ADARB2: variants seen among roughly 807,000 people sequenced by gnomAD.
The protein encoded by ADARB2 is adenosine deaminase RNA specific B2 (inactive).
Under a neutral mutation model 62.2 loss-of-function variants are expected in ADARB2, and 25 were observed. That is an observed-to-expected ratio of 0.40 (90% CI 0.29 to 0.56). The LOEUF is 0.56. Among genes scored for constraint, ADARB2 ranks in the 20% least tolerant of loss-of-function variants. ADARB2 has a pLI of 0.43. For synonymous variants in ADARB2, 572 were observed against 500.8 expected (o/e 1.14, Z -1.90); for missense variants, 1,071 against 1,077.4 (o/e 0.99, Z 0.08).
intron 4 of ADARB2, among the ~76,000 whole-genome samples, chr10:1,262,846 G>T (rs886296284): frequency 6.6e-6 from 1 of 151,942 alleles, no homozygotes; most frequent in African/African-American, 2.4e-5. Flanking sequence ...GTTTATTTTG[G>T]CACTATTCAC....
chr10:1,469,862 T>A (rs998933577), intron 1 of ADARB2, among the ~76,000 whole-genome samples: 3 of 152,166 alleles, frequency 2.0e-5, no homozygotes, highest in African/African-American at 2.4e-5. Context: ...TTCAAAATCA[T>A]AGAATGAATC....
chr10:1,568,454 C>T (rs953296029), intron 1 of ADARB2, among the ~76,000 whole-genome samples: 5 of 152,134 alleles, frequency 3.3e-5, no homozygotes, highest in African/African-American at 9.7e-5. Context: ...AGTCAACCTG[C>T]CCACGTGAAC....
At chr10:1,708,715 G>C (rs1564200998) in intron 1 of ADARB2, among the ~76,000 whole-genome samples, 1 of 152,192 alleles carries the variant, frequency 6.6e-6, no homozygotes, top group African/African-American at 2.4e-5. Flanking sequence ...GGGAATAGTA[G>C]CATCTCCCTC....
intron 1 of ADARB2, among the ~76,000 whole-genome samples, chr10:1,619,002 T>A (rs2132025750): frequency 6.6e-6 from 1 of 152,298 alleles, no homozygotes; most frequent in Middle Eastern, 3.4e-3. Flanking sequence ...CTGCAATTAA[T>A]GGATCACCTG....
intron 1 of ADARB2, among the ~76,000 whole-genome samples, chr10:1,530,617 C>T (rs1408370555): frequency 6.6e-6 from 1 of 152,144 alleles, no homozygotes; most frequent in Admixed American, 6.5e-5. Context: ...CCAAAGCCCT[C>T]CATGCACACC....
intron 1 of ADARB2, among the ~76,000 whole-genome samples, chr10:1,619,751 A>G (rs1833685930): frequency 6.6e-6 from 1 of 152,186 alleles, no homozygotes; most frequent in Non-Finnish European, 1.5e-5. Flanking sequence ...TTCCCTGCCC[A>G]CATATTGTTT....
Position 1,546,678 on chromosome 10 carries a change from G to A in ADARB2, c.101-167518C>T, listed in dbSNP as rs543213986. Among the ~76,000 whole-genome samples the A allele has an allele frequency of 7.9e-5, 12 of 152,344 alleles. No homozygotes were observed. The East Asian group carries it at 9.6e-4, about 12-fold the overall frequency. ...GCTAAAGCCTTTGCAGAAAGGCCAC[G>A]TCCCGGCTGGAGGATGGTAATGATG... On this transcript the variant is annotated intron_variant, in intron 1 of 9. Transcript: ENST00000381312.
At chr10:1,268,437 A>C (rs1171112756) in intron 4 of ADARB2, among the ~76,000 whole-genome samples, 1 of 152,054 alleles carries the variant, frequency 6.6e-6, no homozygotes, top group African/African-American at 2.4e-5. Flanking sequence ...TCATAAACAG[A>C]ACTTTCAGGA....
chr10:1,683,510 C>T (rs1286267957), intron 1 of ADARB2, among the ~76,000 whole-genome samples: 2 of 152,174 alleles, frequency 1.3e-5, no homozygotes, highest in Non-Finnish European at 2.9e-5. Flanking sequence ...GGCTGCAATG[C>T]ACAGGGTCAA....
chr10:1,421,124 G>C (rs746399189), intron 1 of ADARB2, among the ~76,000 whole-genome samples: 1 of 151,926 alleles, frequency 6.6e-6, no homozygotes, highest in Non-Finnish European at 1.5e-5. Context: ...AGGATGGTGG[G>C]GGCACCGGCT....
intron 1 of ADARB2, among the ~76,000 whole-genome samples, chr10:1,543,532 C>T (rs1170835106): frequency 1.3e-5 from 2 of 152,210 alleles, no homozygotes; most frequent in African/African-American, 2.4e-5. Flanking sequence ...GCAGATCTGC[C>T]GTCCATTGCC....
At chr10:1,540,908 T>G (rs550138020) in intron 1 of ADARB2, among the ~76,000 whole-genome samples, 5,391 of 32,742 alleles carry the variant, frequency 0.16, 531 homozygotes, top group Non-Finnish European at 0.24. Context: ...CCCACTCAGA[T>G]GTAGTTCAGA....
rs117389379 is a variant in ADARB2, at chr10:1,257,433, C to T, written c.1192+13522G>A. Among the ~76,000 whole-genome samples the T allele has an allele frequency of 8.5e-3, 1,289 of 152,292 alleles. 5 individuals carry two copies. The highest frequency in any genetic ancestry group is 0.013 in the South Asian group (64 of 4,822). The stretch of plus-strand genomic sequence containing the variant: ...CTCCATCGGGAGCTCCTCCTCAGCC[C>T]GAGACCCCACTTCCCTTCCTCTTCA... On this transcript the variant is annotated intron_variant, in intron 4 of 9. Transcript: ENST00000381312.
At chr10:1,597,139 G>A (rs1833346389) in intron 1 of ADARB2, among the ~76,000 whole-genome samples, 2 of 152,174 alleles carry the variant, frequency 1.3e-5, no homozygotes, top group African/African-American at 4.8e-5. Flanking sequence ...TTGAAGAGTT[G>A]TAAGCCTTCA....
chr10:1,556,880 C>A (rs1191824686), intron 1 of ADARB2: 1 of 522,596 alleles, frequency 1.9e-6, no homozygotes, highest in Non-Finnish European at 3.9e-6. Flanking sequence ...GGTTTGGTAC[C>A]TGAATGAGGC....
intron 1 of ADARB2, among the ~76,000 whole-genome samples, chr10:1,554,547 C>T (rs928185433): frequency 2.0e-5 from 3 of 151,980 alleles, no homozygotes; most frequent in Non-Finnish European, 4.4e-5. Context: ...TTTCTTCCCC[C>T]GGGGGAGGTG....
At chr10:1,606,706 T>C (rs1193063747) in intron 1 of ADARB2, among the ~76,000 whole-genome samples, 1 of 152,078 alleles carries the variant, frequency 6.6e-6, no homozygotes, top group Admixed American at 6.5e-5. Context: ...GGAGTGTGGG[T>C]TGGGGCACTT....
chr10:1,187,880 AG>A, intron 8 of ADARB2: 1 of 417,498 alleles, frequency 2.4e-6, no homozygotes. Flanking sequence ...ATATGTGCAC[AG>A]GGAGGACAGT....
At chr10:1,273,014 C>T (rs1042287695) in intron 3 of ADARB2, among the ~76,000 whole-genome samples, 1 of 152,208 alleles carries the variant, frequency 6.6e-6, no homozygotes, top group Non-Finnish European at 1.5e-5. Flanking sequence ...TCTATCCCCA[C>T]GTGGCCTTCT....
Sources: gnomAD v4.1 joint callset for allele counts (sites outside exome capture counted in the v4.1 genomes callset) on GRCh38, gnomAD v4.1.1 for gene constraint, MANE v1.5 for transcripts, NCBI Gene and HGNC (gene_info 2026-07-23, HGNC 2026-07-21) for gene names.